Variants in PTP4A3 observed in about 807,000 individuals in gnomAD.
The protein encoded by PTP4A3 is protein tyrosine phosphatase 4A3.
PTP4A3 carries 9 observed loss-of-function variants against 15.2 expected under a neutral mutation model. The observed-to-expected ratio is 0.59, with a 90% CI of 0.36 to 1.03. The LOEUF is 1.03. PTP4A3 is among the 50% of genes least tolerant of loss of function. The probability of loss-of-function intolerance (pLI) is 0.02; values close to 1 mark genes in which losing one functional copy is unlikely to be tolerated. For synonymous variants in PTP4A3, 95 were observed against 102.0 expected, an observed-to-expected ratio of 0.93 and a Z score of 0.41; for missense variants, 234 against 252.1, an observed-to-expected ratio of 0.93 and a Z score of 0.49.
chr8:141,425,181 C>CCGG lies in PTP4A3; in HGVS notation c.198+41_198+42insCGG. 3 of 345,450 alleles carry CCGG rather than the reference C, an allele frequency of 8.7e-6. No individual in the cohort carries two copies. Among genetic ancestry groups the CCGG allele is most frequent in the Non-Finnish European group, 1.7e-5 (3 of 179,008 alleles). 21.4% of individuals were successfully genotyped at this position (345,450 alleles called of 1,614,324 possible). ...CGGGGACCCTAGTCACTGCTGCCAC[C>CCGG]GGGGGAGGGTGGGGCGGGGGGCTCC... On this transcript the variant is annotated intron_variant, in intron 3 of 5. Transcript: ENST00000521578. This position sits in a 1 kb window ranked among gnomAD's most constrained non-coding sequence, Gnocchi z 4.2.
chr8:141,426,126 G>A (rs542037751), intron 3 of PTP4A3, among the ~76,000 whole-genome samples: 2 of 152,294 alleles, frequency 1.3e-5, no homozygotes, highest in East Asian at 3.9e-4. Flanking sequence ...GGGGAGGGGT[G>A]AGATGCCCCC....
chr8:141,426,387 C>T lies in PTP4A3; in HGVS notation c.199-552C>T, dbSNP rs529449644. Reference sequence around the variant, plus strand: ...AAATTAACCCCCAGGAGCAATGGGCCGGGGCCCGGTGGAACCGCCTGTTTC... The same window carrying T: ...AAATTAACCCCCAGGAGCAATGGGCTGGGGCCCGGTGGAACCGCCTGTTTC... On this transcript the variant is annotated intron_variant, in intron 3 of 5. Coordinates refer to ENST00000521578, the MANE Select transcript of PTP4A3 (RefSeq NM_032611.3). 190 of 964,970 alleles carry T rather than the reference C, an allele frequency of 2.0e-4. 1 individual carries two copies. Among genetic ancestry groups the T allele is most frequent in the Admixed American group, 1.7e-3 (28 of 16,260 alleles). The allele number at this position is 964,970 out of a possible 1,614,324, so 59.8% of individuals were successfully genotyped here.
At chr8:141,400,290 C>CGGCCCACCACTGTGCCA (rs1832559191) in intron 1 of PTP4A3, among the ~76,000 whole-genome samples, 1 of 149,500 alleles carries the variant, frequency 6.7e-6, no homozygotes, top group Admixed American at 6.6e-5. Flanking sequence ...CATCTGTGCC[C>CGGCCCACCACTGTGCCA]GGCCCACCAC....
chr8:141,411,663 G>A (rs906001573), intron 1 of PTP4A3, among the ~76,000 whole-genome samples: 5 of 152,210 alleles, frequency 3.3e-5, no homozygotes, highest in Non-Finnish European at 5.9e-5. Context: ...TCTTTCCCGC[G>A]GTTCCTCAGG....
At chr8:141,417,756 G>C (rs533730632) in intron 1 of PTP4A3, among the ~76,000 whole-genome samples, 1 of 151,946 alleles carries the variant, frequency 6.6e-6, no homozygotes, top group Non-Finnish European at 1.5e-5. Context: ...CCTCTTCCCC[G>C]CGCCCGCCCT....
intron 1 of PTP4A3, among the ~76,000 whole-genome samples, chr8:141,416,007 G>A (rs766570640): frequency 2.6e-5 from 4 of 152,024 alleles, no homozygotes; most frequent in South Asian, 2.1e-4. Context: ...AGACTTCTCC[G>A]AAAGGCCTGG....
At chr8:141,427,922 C>T in intron 5 of PTP4A3, 98 bp downstream of exon 5, 1 of 1,187,364 alleles carries the variant, frequency 8.4e-7, no homozygotes. Context: ...GGTTCCGTCG[C>T]TCTGAGGCTG....
At position 141,431,382 on chromosome 8, in the gene PTP4A3, G is replaced by A. The variant is rs1462471764; in HGVS notation, c.*338G>A. 5.8e-6 allele frequency: 2 copies of A among 342,562 alleles called. No individual in the cohort carries two copies. The highest frequency in any genetic ancestry group is 4.3e-5 in the African/African-American group (2 of 46,868). The allele number at this position is 342,562 out of a possible 1,614,324, so 21.2% of individuals were successfully genotyped here. ...CTCTAGCCTGTTTGTTGTGGGGTGG[G>A]GGTATATTTTGTAACCACTGGGCCC... On this transcript the variant is annotated 3_prime_UTR_variant, in exon 6 of 6. Coordinates refer to ENST00000521578, the MANE Select transcript of PTP4A3 (RefSeq NM_032611.3).
At chr8:141,401,590 G>A (rs948732807) in intron 1 of PTP4A3, among the ~76,000 whole-genome samples, 5 of 151,952 alleles carry the variant, frequency 3.3e-5, no homozygotes, top group Admixed American at 2.6e-4. Flanking sequence ...CTGTTCCCAC[G>A]GCTGCCCAGC....
At chr8:141,411,556 C>T (rs548757022) in intron 1 of PTP4A3, among the ~76,000 whole-genome samples, 24 of 152,346 alleles carry the variant, frequency 1.6e-4, no homozygotes, top group Admixed American at 1.2e-3. Context: ...AGCTTGGCAG[C>T]GCTTGGGGCC....
chr8:141,418,683 C>T (rs908411637), intron 1 of PTP4A3, among the ~76,000 whole-genome samples: 6 of 152,066 alleles, frequency 3.9e-5, no homozygotes, highest in African/African-American at 1.4e-4. Context: ...CCAGTGGGTC[C>T]CCGTGCTGTG....
At chr8:141,408,604 C>T (rs1016221091) in intron 1 of PTP4A3, among the ~76,000 whole-genome samples, 4 of 145,790 alleles carry the variant, frequency 2.7e-5, no homozygotes, top group Admixed American at 2.1e-4. Flanking sequence ...GGTAACAGAG[C>T]GAGACTCTGT....
intron 3 of PTP4A3, 87 bp from the exon 4 acceptor site, chr8:141,426,852 T>C (rs1291007589): frequency 2.6e-6 from 4 of 1,524,580 alleles, no homozygotes; most frequent in Non-Finnish European, 3.5e-6. Flanking sequence ...CCTCTGCCTC[T>C]CAGAGCTCCC....
At chr8:141,404,080 G>A (rs1215879094) in intron 1 of PTP4A3, among the ~76,000 whole-genome samples, 3 of 152,224 alleles carry the variant, frequency 2.0e-5, no homozygotes, top group Non-Finnish European at 4.4e-5. Context: ...GGGCCACGGC[G>A]ACACGCCTGT....
intron 5 of PTP4A3, 34 bp downstream of exon 5, chr8:141,427,858 C>T (rs371605213): frequency 4.6e-6 from 7 of 1,533,254 alleles, no homozygotes; most frequent in East Asian, 2.5e-5. Context: ...GGGCTGTGAG[C>T]GCTGGGGGAG....
intron 5 of PTP4A3, among the ~76,000 whole-genome samples, chr8:141,430,092 CAGG>C (rs1833780013): frequency 7.0e-6 from 1 of 143,706 alleles, no homozygotes; most frequent in African/African-American, 2.7e-5. Context: ...CTGTAAGGAC[CAGG>C]TGGCGGGGAC....
In PTP4A3 at chr8:141,406,208, G is replaced by C. The variant is rs1832717285; in HGVS notation, c.-854+14124G>C. ...CTCTGGGCGGTGGCTTTAGGCATCT[G>C]GGCTCAGGTGTCACCATTTCACTTG... On this transcript the variant is annotated intron_variant, in intron 1 of 5. Coordinates refer to ENST00000521578, the MANE Select transcript of PTP4A3 (RefSeq NM_032611.3). This position sits in a 1 kb window ranked among gnomAD's most constrained non-coding sequence, Gnocchi z 4.5. Among the ~76,000 whole-genome samples the C allele has an allele frequency of 6.6e-6, 1 of 152,112 alleles. No individual in the cohort carries two copies. The highest frequency in any genetic ancestry group is 6.5e-5 in the Admixed American group (1 of 15,282).
rs1342648036 is a variant in PTP4A3, at chr8:141,406,728, C to T, written c.-854+14644C>T. On this transcript the variant is annotated intron_variant, in intron 1 of 5. Transcript: ENST00000521578. The surrounding 1 kb of genome is among the most constrained non-coding windows in gnomAD (Gnocchi z 4.5). The stretch of plus-strand genomic sequence containing the variant: ...GACGGCTGTGTTGCCTGCATGCCAC[C>T]GACAGCCCGCCTCTTCTTTCCATCT... Among the ~76,000 whole-genome samples, 6 of 152,122 alleles carry T rather than the reference C, an allele frequency of 3.9e-5. No homozygotes were observed. The highest frequency in any genetic ancestry group is 7.4e-5 in the Non-Finnish European group (5 of 68,008).
chr8:141,415,021 G>T (rs982783783), intron 1 of PTP4A3, among the ~76,000 whole-genome samples: 1 of 151,972 alleles, frequency 6.6e-6, no homozygotes, highest in Non-Finnish European at 1.5e-5. Context: ...GTGGGTGGCG[G>T]GGGGCCTGGG....
Sources: gnomAD v4.1 joint callset for allele counts (sites outside exome capture counted in the v4.1 genomes callset) on GRCh38, gnomAD v4.1.1 for gene constraint, Gnocchi (gnomAD v3.1) non-coding constraint, MANE v1.5 for transcripts, NCBI Gene and HGNC (gene_info 2026-07-23, HGNC 2026-07-21) for gene names.